TRIO: variants seen among roughly 807,000 people sequenced by gnomAD.
The protein encoded by TRIO is trio Rho guanine nucleotide exchange factor.
TRIO carries 58 observed loss-of-function variants against 351.9 expected under a neutral mutation model. The ratio of observed to expected loss-of-function variants is 0.16; its 90% CI spans 0.13 to 0.21. The LOEUF is 0.21. TRIO is among the 10% of genes least tolerant of loss of function. The pLI is 1.00. For synonymous variants in TRIO, 1,758 were observed against 1,595.7 expected (o/e 1.10, Z -2.42); for missense variants, 3,201 against 4,027.8 (o/e 0.79, Z 5.56).
At chr5:14,450,043 A>G (rs1752736355) in intron 34 of TRIO, among the ~76,000 whole-genome samples, 1 of 152,230 alleles carries the variant, frequency 6.6e-6, no homozygotes, top group South Asian at 2.1e-4. Context: ...CTACATAGCT[A>G]CATTTTCCAA....
chr5:14,339,336 A>C (rs1225436916), intron 11 of TRIO, among the ~76,000 whole-genome samples: 2 of 152,246 alleles, frequency 1.3e-5, no homozygotes, highest in African/African-American at 4.8e-5. Flanking sequence ...AAGAGCATCC[A>C]CTTATAAGAC....
intron 1 of TRIO, among the ~76,000 whole-genome samples, chr5:14,172,721 T>A (rs1234412236): frequency 1.3e-5 from 2 of 152,200 alleles, no homozygotes; most frequent in African/African-American, 4.8e-5. Context: ...GTTAAACAAA[T>A]GAGTTGTAGA....
At chr5:14,187,654 CAT>C (rs1206074622) in intron 1 of TRIO, among the ~76,000 whole-genome samples, 2 of 152,248 alleles carry the variant, frequency 1.3e-5, no homozygotes, top group South Asian at 4.1e-4. Context: ...CAAGATTTGA[CAT>C]GTGCATTTTT....
rs759482240 is a variant in TRIO at position 14,508,253 on chromosome 5, C to A, written c.9125C>A (p.Ala3042Glu). Reference sequence around the variant, plus strand: ...GACCCCGCCAAGCGTCCCTCGGCTGCGCTGGCCCTCCAGGAGCAGTGGCTG... The same window carrying A: ...GACCCCGCCAAGCGTCCCTCGGCTGAGCTGGCCCTCCAGGAGCAGTGGCTG... ...QEDPAKRPSA[A>E]LALQEQWLQA... Residue 3042 changes from alanine to glutamate, a missense_variant, in exon 57 of 57, where the codon GCG becomes GAG. Ala to Glu is a moderately radical substitution (Grantham distance 107). This residue lies in a region of TRIO where 233 missense variants were observed against 292.6 expected (regional missense o/e 0.80). Transcript: ENST00000344204. The A allele has an allele frequency of 6.2e-7, 1 of 1,614,058 alleles. No homozygotes were observed. Among genetic ancestry groups the A allele is most frequent in the African/African-American group, 1.3e-5 (1 of 75,068 alleles).
intron 1 of TRIO, among the ~76,000 whole-genome samples, chr5:14,231,556 C>T (rs966511235): frequency 1.7e-4 from 26 of 152,206 alleles, no homozygotes; most frequent in African/African-American, 6.0e-4. Flanking sequence ...TCTTTGCTCT[C>T]CTTAGCACGT....
intron 1 of TRIO, among the ~76,000 whole-genome samples, chr5:14,188,500 A>AT (rs1296300907): frequency 1.3e-5 from 2 of 152,224 alleles, no homozygotes; most frequent in Non-Finnish European, 2.9e-5. Flanking sequence ...ATTTAACACA[A>AT]TTTGTCTTTT....
chr5:14,446,020 G>T (rs919958628), intron 34 of TRIO, among the ~76,000 whole-genome samples: 2 of 152,256 alleles, frequency 1.3e-5, no homozygotes, highest in African/African-American at 4.8e-5. Flanking sequence ...CACGGGCACT[G>T]ATTCAGCCAA....
intron 1 of TRIO, among the ~76,000 whole-genome samples, chr5:14,212,443 T>G (rs1791965086): frequency 6.6e-6 from 1 of 152,132 alleles, no homozygotes; most frequent in African/African-American, 2.4e-5. Flanking sequence ...CAACTCTCCC[T>G]CCAGACTCAC....
At chr5:14,462,975 G>A (rs772601036) in intron 36 of TRIO, 50 bp downstream of exon 36, 2 of 1,504,662 alleles carry the variant, frequency 1.3e-6, no homozygotes, top group African/African-American at 1.4e-5. Context: ...GCAGGGGCAG[G>A]GCACGCTCGG....
chr5:14,325,017 T>C (rs1311759556), intron 9 of TRIO, among the ~76,000 whole-genome samples: 4 of 152,210 alleles, frequency 2.6e-5, no homozygotes, highest in Non-Finnish European at 5.9e-5. Context: ...ATCATGGAAC[T>C]GTATTGCCCT....
At chr5:14,438,619 T>G (rs1751783829) in intron 34 of TRIO, among the ~76,000 whole-genome samples, 1 of 152,124 alleles carries the variant, frequency 6.6e-6, no homozygotes, top group South Asian at 2.1e-4. Flanking sequence ...CTGAACCGAG[T>G]CTGTTCAGAT....
At position 14,399,171 on chromosome 5, in the gene TRIO, A is replaced by G. The variant is rs556206900; in HGVS notation, c.4614+101A>G. 93 of 1,120,224 alleles carry G rather than the reference A, an allele frequency of 8.3e-5. No individual in the cohort carries two copies. The African/African-American group carries it at 1.0e-3, about 12-fold the overall frequency. The allele number at this position is 1,120,224 out of a possible 1,614,324, so 69.4% of individuals were successfully genotyped here. The stretch of plus-strand genomic sequence containing the variant: ...TCATTGTCTTCAGTTTAACCTCCCA[A>G]TCTGTCCTGAAATGTTCAAGTCTGA... On this transcript the variant is annotated intron_variant, in intron 30 of 56. Transcript: ENST00000344204.
intron 34 of TRIO, among the ~76,000 whole-genome samples, chr5:14,460,634 T>C (rs1243954118): frequency 6.6e-6 from 1 of 152,252 alleles, no homozygotes; most frequent in African/African-American, 2.4e-5. Flanking sequence ...TTCTTGGTTT[T>C]TGTCAAGAAA....
chr5:14,471,494 T>C (rs764517787), intron 38 of TRIO, 28 bp downstream of exon 38: 47 of 1,612,786 alleles, frequency 2.9e-5, no homozygotes, highest in Non-Finnish European at 4.2e-6. Flanking sequence ...TCATTCTTAT[T>C]GTTCTCTGGG....
chr5:14,310,262 C>A (rs570624569), intron 8 of TRIO, among the ~76,000 whole-genome samples: 27 of 152,352 alleles, frequency 1.8e-4, no homozygotes, highest in Admixed American at 4.6e-4. Context: ...GCCTGTGTTG[C>A]CTCACAAGCC....
Position 14,234,595 on chromosome 5 carries a change from A to G in TRIO, c.158-36230A>G, listed in dbSNP as rs546556479. Among the ~76,000 whole-genome samples, 18 of 152,358 alleles carry G rather than the reference A, an allele frequency of 1.2e-4. No individual in the cohort carries two copies. The South Asian group carries it at 3.7e-3, about 32-fold the overall frequency. On this transcript the variant is annotated intron_variant, in intron 1 of 56. Coordinates refer to ENST00000344204, the MANE Select transcript of TRIO (RefSeq NM_007118.4). ...TTACAGAAGCAATATTAAAAAATTC[A>G]TATTTGGTGTAGTAAAGGAATAAAA...
chr5:14,403,762 G>GGTGAGGGTGTAGGTT (rs1209846333), intron 31 of TRIO, among the ~76,000 whole-genome samples: 13 of 130,818 alleles, frequency 9.9e-5, no homozygotes, highest in Non-Finnish European at 1.6e-4. Flanking sequence ...AGGTGGTGGT[G>GGTGAGGGTGTAGGTT]GTGAGGGTGT....
At chr5:14,189,127 T>C (rs1790309980) in intron 1 of TRIO, among the ~76,000 whole-genome samples, 1 of 152,240 alleles carries the variant, frequency 6.6e-6, no homozygotes, top group Admixed American at 6.5e-5. Flanking sequence ...TTGTATTTAT[T>C]TCTATTTTTA....
intron 1 of TRIO, among the ~76,000 whole-genome samples, chr5:14,230,066 C>A (rs1793307215): frequency 6.6e-6 from 1 of 152,168 alleles, no homozygotes. Flanking sequence ...ACGTAGAATC[C>A]CCCTGCACGG....
Sources: allele counts gnomAD v4.1 joint callset (sites outside exome capture counted in the v4.1 genomes callset), GRCh38; gene constraint gnomAD v4.1.1; regional missense constraint gnomAD v4.1.1; transcripts MANE v1.5; gene names NCBI Gene and HGNC (gene_info 2026-07-23, HGNC 2026-07-21).